ALPK1: variants seen among roughly 807,000 people sequenced by gnomAD.
ALPK1 encodes alpha kinase 1.
Under a neutral mutation model 120.6 loss-of-function variants are expected in ALPK1, and 110 were observed. That is an observed-to-expected ratio of 0.91 (90% CI 0.78 to 1.07). The LOEUF is 1.07. Among genes scored for constraint, ALPK1 ranks in the 50% least tolerant of loss-of-function variants. ALPK1 has a pLI of 0.00. For synonymous variants in ALPK1, 582 were observed against 560.3 expected (o/e 1.04, Z -0.55); for missense variants, 1,498 against 1,483.9 (o/e 1.01, Z -0.16).
chr4:112,340,281 C>T (rs913071419), intron 2 of ALPK1, among the ~76,000 whole-genome samples: 14 of 152,210 alleles, frequency 9.2e-5, no homozygotes, highest in African/African-American at 2.4e-4. Flanking sequence ...TAAATGTCTA[C>T]GGCAAACATT....
At chr4:112,366,897 G>T (rs114006146) in intron 2 of ALPK1, among the ~76,000 whole-genome samples, 54 of 152,310 alleles carry the variant, frequency 3.5e-4, no homozygotes, top group Admixed American at 9.1e-4. Flanking sequence ...GGCACTTGCA[G>T]CAACCTGGAT....
chr4:112,329,090 A>G (rs967849978), intron 2 of ALPK1, among the ~76,000 whole-genome samples: 2 of 152,176 alleles, frequency 1.3e-5, no homozygotes, highest in African/African-American at 4.8e-5. Flanking sequence ...TCACATTGTG[A>G]AGCACTGGCA....
In ALPK1 at chr4:112,299,678, A is replaced by G. The variant is rs190811766; in HGVS notation, c.-153+2209A>G. ...GGGCCTTGGTTACAGAGCTCAGTTG[A>G]CAATGCAATCTGTTCAATTTCCTAA... On this transcript the variant is annotated intron_variant, in intron 1 of 15. Transcript: ENST00000650871. Among the ~76,000 whole-genome samples the G allele has an allele frequency of 6.6e-5, 10 of 152,318 alleles. No individual in the cohort carries two copies. The East Asian group carries it at 1.2e-3, about 18-fold the overall frequency.
intron 2 of ALPK1, among the ~76,000 whole-genome samples, chr4:112,339,695 G>T (rs2148705278): frequency 6.6e-6 from 1 of 152,166 alleles, no homozygotes; most frequent in East Asian, 1.9e-4. Flanking sequence ...TCATCTATTG[G>T]CAGCTCAGTT....
chr4:112,338,366 G>A (rs1190645683), intron 2 of ALPK1, among the ~76,000 whole-genome samples: 1 of 152,150 alleles, frequency 6.6e-6, no homozygotes, highest in African/African-American at 2.4e-5. Flanking sequence ...TACCCAAAAA[G>A]CATAGAGTTT....
intron 2 of ALPK1, among the ~76,000 whole-genome samples, chr4:112,324,972 A>G (rs1438012887): frequency 9.2e-6 from 1 of 109,288 alleles, no homozygotes; most frequent in East Asian, 3.5e-4. Context: ...GAACCAAAAA[A>G]AAGGGGGGGG....
At chr4:112,438,381 T>A in intron 12 of ALPK1, 103 bp from the exon 13 acceptor site, 1 of 1,054,916 alleles carries the variant, frequency 9.5e-7, no homozygotes, top group Non-Finnish European at 1.4e-6. Flanking sequence ...GAGAAAGAGA[T>A]CTTTCAAGCA....
chr4:112,370,101 T>A (rs1019247967), intron 2 of ALPK1, among the ~76,000 whole-genome samples: 1 of 152,190 alleles, frequency 6.6e-6, no homozygotes, highest in Non-Finnish European at 1.5e-5. Flanking sequence ...TGAAAAAGAC[T>A]CAAACACAGA....
intron 3 of ALPK1, 64 bp downstream of exon 3, chr4:112,377,962 A>T (rs1731741731): frequency 6.6e-7 from 1 of 1,506,860 alleles, no homozygotes. Context: ...CCCCTGCCTG[A>T]ACGACACGTT....
At chr4:112,375,724 G>C (rs1228969914) in intron 2 of ALPK1, among the ~76,000 whole-genome samples, 1 of 151,608 alleles carries the variant, frequency 6.6e-6, no homozygotes, top group East Asian at 1.9e-4. Context: ...CTCTGGAGTA[G>C]CACTTTTCCT....
At chr4:112,418,150 A>T (rs2148753736) in intron 5 of ALPK1, among the ~76,000 whole-genome samples, 1 of 152,316 alleles carries the variant, frequency 6.6e-6, no homozygotes, top group Admixed American at 6.5e-5. Context: ...TGGCCCTCAT[A>T]CCTACGCACA....
intron 2 of ALPK1, among the ~76,000 whole-genome samples, chr4:112,347,674 A>G (rs1238940876): frequency 1.3e-5 from 2 of 152,214 alleles, no homozygotes; most frequent in African/African-American, 2.4e-5. Flanking sequence ...AACCTTCCAA[A>G]TACCAAATAT....
chr4:112,308,247 A>G (rs1325826077), intron 1 of ALPK1, among the ~76,000 whole-genome samples: 2 of 151,848 alleles, frequency 1.3e-5, no homozygotes, highest in African/African-American at 4.8e-5. Flanking sequence ...CTTCTCAAGG[A>G]GTATCTTTGT....
chr4:112,358,071 C>T, intron 2 of ALPK1: 1 of 584,244 alleles, frequency 1.7e-6, no homozygotes, highest in Non-Finnish European at 3.3e-6. Flanking sequence ...AGCCCCCACG[C>T]ATGGACCCCC....
intron 4 of ALPK1, 119 bp downstream of exon 4, chr4:112,382,671 G>C (rs2148729547): frequency 2.2e-6 from 3 of 1,376,432 alleles, no homozygotes; most frequent in South Asian, 1.2e-5. Context: ...CTTATGCTCA[G>C]CTCTGCCAGA....
intron 2 of ALPK1, among the ~76,000 whole-genome samples, chr4:112,316,755 C>T (rs1345549570): frequency 2.0e-5 from 3 of 151,544 alleles, no homozygotes. Context: ...TACTTATTGG[C>T]CATTTGTATA....
intron 2 of ALPK1, among the ~76,000 whole-genome samples, chr4:112,345,310 T>G (rs1227707569): frequency 1.3e-5 from 2 of 152,234 alleles, no homozygotes; most frequent in Non-Finnish European, 2.9e-5. Flanking sequence ...GATTTCTAAG[T>G]ACATACTAAC....
chr4:112,336,358 A>T (rs207464971), intron 2 of ALPK1, among the ~76,000 whole-genome samples: 6 of 152,236 alleles, frequency 3.9e-5, no homozygotes, highest in Admixed American at 3.3e-4. Flanking sequence ...TGTTAAATCC[A>T]GGGAAGACAG....
At chr4:112,429,853 AAG>A (rs202232013) in intron 10 of ALPK1, among the ~76,000 whole-genome samples, 29,137 of 90,614 alleles carry the variant, frequency 0.32, 3,204 homozygotes, top group East Asian at 0.39. Context: ...AAAAAAAAAA[AAG>A]AAAAGAAAAG....
Sources: gnomAD v4.1 joint callset for allele counts (sites outside exome capture counted in the v4.1 genomes callset) on GRCh38, gnomAD v4.1.1 for gene constraint, MANE v1.5 for transcripts, NCBI Gene and HGNC (gene_info 2026-07-23, HGNC 2026-07-21) for gene names.